Variants in GRID2 observed in about 807,000 individuals in gnomAD.
GRID2 encodes glutamate receptor ionotropic, delta-2.
A neutral mutation model predicts 114.8 loss-of-function variants in GRID2; 33 were observed. The observed-to-expected ratio is 0.29, with a 90% CI of 0.22 to 0.38. GRID2 has a LOEUF of 0.38. GRID2 is among the 10% of genes least tolerant of loss of function. GRID2 has a pLI of 1.00. For synonymous variants in GRID2, 505 were observed against 449.9 expected (o/e 1.12, Z -1.55); for missense variants, 1,184 against 1,257.7 (o/e 0.94, Z 0.89).
At chr4:93,237,199 A>G (rs1357000332) in intron 7 of GRID2, among the ~76,000 whole-genome samples, 1 of 151,974 alleles carries the variant, frequency 6.6e-6, no homozygotes, top group African/African-American at 2.4e-5. Flanking sequence ...TTATTAATAA[A>G]ACTAGATAAT....
chr4:92,316,338 G>A (rs934469633), intron 1 of GRID2, among the ~76,000 whole-genome samples: 2 of 152,066 alleles, frequency 1.3e-5, no homozygotes, highest in African/African-American at 4.8e-5. Flanking sequence ...TATTAATGTG[G>A]GTGATGCTTC....
chr4:92,582,376 A>G (rs1013347782), intron 1 of GRID2, among the ~76,000 whole-genome samples: 3 of 151,894 alleles, frequency 2.0e-5, no homozygotes, highest in African/African-American at 4.8e-5. Flanking sequence ...CACTATTCCA[A>G]GGTAACTGCA....
chr4:92,969,828 C>T lies in GRID2; in HGVS notation c.245-115167C>T, dbSNP rs191762328. 1.1e-4 allele frequency among the ~76,000 whole-genome samples: 16 copies of T among 151,852 alleles called. No individual in the cohort carries two copies. In the East Asian group the frequency reaches 2.3e-3, roughly 22 times the overall value. On this transcript the variant is annotated intron_variant, in intron 2 of 15. Coordinates refer to ENST00000282020, the MANE Select transcript of GRID2 (RefSeq NM_001510.4). Reference sequence around the variant, plus strand: ...GTTTCCCTTTGAAAGAAATATGGAGCGCCTGAGGACTAGATAACCAAGGTT... The same window carrying T: ...GTTTCCCTTTGAAAGAAATATGGAGTGCCTGAGGACTAGATAACCAAGGTT...
intron 13 of GRID2, among the ~76,000 whole-genome samples, chr4:93,596,670 T>G (rs934024299): frequency 3.9e-5 from 6 of 152,246 alleles, no homozygotes; most frequent in African/African-American, 1.4e-4. Flanking sequence ...AAGTAAAAAT[T>G]ACGTTACATT....
At chr4:92,699,073 A>G (rs997003160) in intron 2 of GRID2, among the ~76,000 whole-genome samples, 1 of 152,150 alleles carries the variant, frequency 6.6e-6, no homozygotes, top group African/African-American at 2.4e-5. Flanking sequence ...CACTTTATAA[A>G]TAAGAAAAAA....
At chr4:92,940,812 T>A (rs1751058639) in intron 2 of GRID2, among the ~76,000 whole-genome samples, 1 of 152,194 alleles carries the variant, frequency 6.6e-6, no homozygotes, top group Admixed American at 6.5e-5. Flanking sequence ...CTTTTGTGCA[T>A]CTATTGAGAT....
chr4:93,697,605 A>G (rs376497703), intron 14 of GRID2, among the ~76,000 whole-genome samples: 4 of 152,040 alleles, frequency 2.6e-5, no homozygotes, highest in African/African-American at 9.7e-5. Flanking sequence ...ATGCTACCGA[A>G]TATTAGTCAC....
chr4:92,339,248 G>A (rs575253373), intron 1 of GRID2, among the ~76,000 whole-genome samples: 1 of 152,148 alleles, frequency 6.6e-6, no homozygotes, highest in East Asian at 1.9e-4. Context: ...TCGGAAAGCT[G>A]ATCCATTATG....
chr4:93,589,960 G>A (rs1738013607), intron 13 of GRID2, among the ~76,000 whole-genome samples: 1 of 150,854 alleles, frequency 6.6e-6, no homozygotes. Context: ...TTAGCCCTTT[G>A]TCAGATGAGT....
At chr4:92,601,631 C>G (rs964458994) in intron 2 of GRID2, among the ~76,000 whole-genome samples, 6 of 151,870 alleles carry the variant, frequency 4.0e-5, no homozygotes, top group African/African-American at 1.5e-4. Context: ...AAATAGAAAA[C>G]TAAGAGCAAA....
At chr4:93,495,947 A>G (rs1232854474) in intron 12 of GRID2, among the ~76,000 whole-genome samples, 6 of 151,788 alleles carry the variant, frequency 4.0e-5, no homozygotes, top group African/African-American at 1.4e-4. Context: ...TTAATGAGGA[A>G]ATTCTGGAAA....
At chr4:92,638,820 T>C (rs983013937) in intron 2 of GRID2, among the ~76,000 whole-genome samples, 5 of 151,118 alleles carry the variant, frequency 3.3e-5, no homozygotes, top group African/African-American at 1.2e-4. Flanking sequence ...ATTTAATATT[T>C]GTCTTTGAAA....
intron 2 of GRID2, among the ~76,000 whole-genome samples, chr4:93,024,569 G>A (rs921762613): frequency 1.1e-4 from 17 of 151,714 alleles, no homozygotes; most frequent in African/African-American, 4.1e-4. Context: ...TTTAAACATT[G>A]CAAAACCTCA....
chr4:92,725,490 C>T (rs1042950513), intron 2 of GRID2, among the ~76,000 whole-genome samples: 21 of 152,228 alleles, frequency 1.4e-4, no homozygotes, highest in African/African-American at 4.8e-4. Context: ...CTTGAAGTCT[C>T]ATTCAGTTAA....
intron 2 of GRID2, among the ~76,000 whole-genome samples, chr4:92,943,763 G>A (rs867207569): frequency 2.0e-5 from 3 of 152,088 alleles, no homozygotes; most frequent in South Asian, 2.1e-4. Flanking sequence ...TTTTGGTGTG[G>A]ATGTCATTTT....
chr4:92,892,301 T>TA (rs888881729), intron 2 of GRID2, among the ~76,000 whole-genome samples: 6 of 151,430 alleles, frequency 4.0e-5, no homozygotes, highest in Non-Finnish European at 7.4e-5. Context: ...ACTATTCTGT[T>TA]AAAAAAAAAT....
chr4:92,624,797 C>G (rs574058828), intron 2 of GRID2, among the ~76,000 whole-genome samples: 31 of 151,672 alleles, frequency 2.0e-4, no homozygotes, highest in Admixed American at 1.3e-3. Flanking sequence ...TTTATACATA[C>G]AGAAACCTAC....
chr4:93,626,069 A>T (rs1298034922), intron 13 of GRID2, among the ~76,000 whole-genome samples, 200 bp from the exon 14 acceptor site: 1 of 152,196 alleles, frequency 6.6e-6, no homozygotes, highest in Non-Finnish European at 1.5e-5. Flanking sequence ...CATTTTATAT[A>T]AGGACTTGAG....
At chr4:93,730,518 G>A (rs2099701) in intron 14 of GRID2, among the ~76,000 whole-genome samples, 81,496 of 151,968 alleles carry the variant, frequency 0.54, 22,880 homozygotes, top group East Asian at 0.73. Flanking sequence ...CTGCAGTAGT[G>A]TAATCAACAG....
Sources: gnomAD v4.1 joint callset for allele counts (sites outside exome capture counted in the v4.1 genomes callset) on GRCh38, gnomAD v4.1.1 for gene constraint, MANE v1.5 for transcripts, NCBI Gene and HGNC (gene_info 2026-07-23, HGNC 2026-07-21) for gene names.